Variants in KIAA0319L observed in about 807,000 individuals in gnomAD.
The protein encoded by KIAA0319L is dyslexia-associated protein KIAA0319-like protein.
In KIAA0319L, 55 loss-of-function variants were observed where a neutral mutation model predicts 120.1. That is an observed-to-expected ratio of 0.46 (90% CI 0.37 to 0.57). KIAA0319L has a LOEUF of 0.57. Among genes scored for constraint, KIAA0319L ranks in the 20% least tolerant of loss-of-function variants. KIAA0319L has a pLI of 0.00. For missense variants in KIAA0319L, 1,049 were observed against 1,255.3 expected (o/e 0.84, Z 2.48); for synonymous variants, 398 against 471.9 (o/e 0.84, Z 2.03).
chr1:35,513,288 A>ATATATATATATATATATATCTATTTTT (rs1414704674), intron 2 of KIAA0319L, among the ~76,000 whole-genome samples: 1 of 85,338 alleles, frequency 1.2e-5, no homozygotes, highest in African/African-American at 4.3e-5. Flanking sequence ...ATATATATAT[A>ATATATATATATATATATATCTATTTTT]TTTTTTTTTT....
intron 17 of KIAA0319L, 72 bp downstream of exon 17, chr1:35,444,089 G>T: frequency 7.7e-7 from 1 of 1,299,050 alleles, no homozygotes. Flanking sequence ...GAAGGCCAAG[G>T]ACAGAAAGGA....
At chr1:35,446,462 T>C (rs144339692) in intron 16 of KIAA0319L, among the ~76,000 whole-genome samples, 1 of 152,240 alleles carries the variant, frequency 6.6e-6, no homozygotes, top group African/African-American at 2.4e-5. Context: ...GGTGTTATAC[T>C]GACCATCTCT....
chr1:35,467,932 A>G (rs1253228716), intron 6 of KIAA0319L, among the ~76,000 whole-genome samples: 1 of 152,002 alleles, frequency 6.6e-6, no homozygotes, highest in African/African-American at 2.4e-5. Context: ...CAGGTGATCC[A>G]CCCACCTCGG....
At chr1:35,441,400 T>C (rs1641205985) in intron 19 of KIAA0319L, among the ~76,000 whole-genome samples, 1 of 152,166 alleles carries the variant, frequency 6.6e-6, no homozygotes, top group Non-Finnish European at 1.5e-5. Flanking sequence ...ACAGATTGGT[T>C]AAAAACGTAA....
At chr1:35,522,742 G>A (rs972147859) in intron 2 of KIAA0319L, among the ~76,000 whole-genome samples, 1 of 151,848 alleles carries the variant, frequency 6.6e-6, no homozygotes, top group African/African-American at 2.4e-5. Context: ...TATGGGCCGG[G>A]CGCGGGGGCT....
In KIAA0319L at chr1:35,442,199, T is replaced by G. The variant is rs769436133; in HGVS notation, c.2870+47A>C. The G allele has an allele frequency of 5.0e-6, 7 of 1,408,502 alleles. No individual in the cohort carries two copies. In the South Asian group the frequency reaches 8.0e-5, roughly 16 times the overall value. 87.3% of individuals were successfully genotyped at this position (1,408,502 alleles called of 1,614,324 possible). A position where few individuals can be genotyped will look rare whatever the true frequency, so the allele number is the denominator to read the frequency against. The stretch of plus-strand genomic sequence containing the variant: ...GCCAAATACCTCTCTGAGGAACGAA[T>G]GTATGACAAGAAGCCCGAATGAATT... On this transcript the variant is annotated intron_variant, in intron 19 of 20. Coordinates refer to ENST00000325722, the MANE Select transcript of KIAA0319L (RefSeq NM_024874.5).
chr1:35,481,295 GTAGT>G (rs1220209152), intron 3 of KIAA0319L, among the ~76,000 whole-genome samples: 1 of 152,108 alleles, frequency 6.6e-6, no homozygotes, highest in Non-Finnish European at 1.5e-5. Context: ...TTTATCTTAG[GTAGT>G]TACTTAGGAG....
intron 2 of KIAA0319L, among the ~76,000 whole-genome samples, chr1:35,530,360 T>C (rs969537975): frequency 1.3e-5 from 2 of 152,206 alleles, no homozygotes; most frequent in Non-Finnish European, 2.9e-5. Flanking sequence ...CTTTATCATC[T>C]AGTTTATCGC....
rs926319101 is a variant in KIAA0319L at position 35,437,775 on chromosome 1, C to T, written c.2963-2694G>A. 1.3e-5 allele frequency among the ~76,000 whole-genome samples: 2 copies of T among 152,196 alleles called. No homozygotes were observed. The highest frequency in any genetic ancestry group is 4.8e-5 in the African/African-American group (2 of 41,448). On this transcript the variant is annotated intron_variant, in intron 20 of 20. Coordinates refer to ENST00000325722, the MANE Select transcript of KIAA0319L (RefSeq NM_024874.5). This position sits in a 1 kb window ranked among gnomAD's most constrained non-coding sequence, Gnocchi z 4.1. The stretch of plus-strand genomic sequence containing the variant: ...ACATTCCCCCATAAGGGATGTGACC[C>T]TTTGTGGTGCTGATCCTCACCAGCA...
chr1:35,471,204 A>T (rs879883336), intron 5 of KIAA0319L, among the ~76,000 whole-genome samples: 6 of 152,024 alleles, frequency 3.9e-5, no homozygotes, highest in Non-Finnish European at 8.8e-5. Context: ...CCCTATACCG[A>T]CCCTCTCAGG....
At chr1:35,520,936 CA>C (rs1645885333) in intron 2 of KIAA0319L, among the ~76,000 whole-genome samples, 1 of 152,132 alleles carries the variant, frequency 6.6e-6, no homozygotes, top group African/African-American at 2.4e-5. Context: ...ATTTATTGTA[CA>C]AATAAACTAG....
chr1:35,524,810 TCAC>T (rs2148452352), intron 2 of KIAA0319L, among the ~76,000 whole-genome samples: 1 of 152,348 alleles, frequency 6.6e-6, no homozygotes, highest in Non-Finnish European at 1.5e-5. Context: ...AGGATATCCA[TCAC>T]CACAAGCATT....
intron 3 of KIAA0319L, among the ~76,000 whole-genome samples, chr1:35,503,472 G>T (rs1211961298): frequency 6.6e-6 from 1 of 152,174 alleles, no homozygotes. Flanking sequence ...TATGGAGTTG[G>T]GGCCCGGCAA....
intron 6 of KIAA0319L, among the ~76,000 whole-genome samples, chr1:35,467,658 G>C (rs1306789629): frequency 6.6e-6 from 1 of 151,416 alleles, no homozygotes; most frequent in Non-Finnish European, 1.5e-5. Context: ...CATTTAGCAT[G>C]AACACCTTCC....
Position 35,454,391 on chromosome 1 carries a change from G to A in KIAA0319L, c.1751C>T (p.Thr584Ile). Residue 584 changes from threonine (T) to isoleucine (I), a missense_variant, in exon 11 of 21, where the codon ACT becomes ATT. Physicochemically the swap from Thr to Ile is moderately conservative, Grantham distance 89. Coordinates refer to ENST00000325722, the MANE Select transcript of KIAA0319L (RefSeq NM_024874.5). The part of the protein sequence containing the change: ...TVTDTIGQQA[T>I]AQVTVIVQPE... ...TTGCACAATAACAGTCACTTGAGCA[G>A]TGGCCTGCTGTCCTATTGTGTCAGT... 6.2e-7 allele frequency: 1 copy of A among 1,614,102 alleles called. No individual in the cohort carries two copies. The highest frequency in any genetic ancestry group is 8.5e-7 in the Non-Finnish European group (1 of 1,179,952).
chr1:35,539,158 C>A (rs1488531379), intron 2 of KIAA0319L, among the ~76,000 whole-genome samples: 1 of 152,190 alleles, frequency 6.6e-6, no homozygotes. Flanking sequence ...TCCACCACTT[C>A]CTCTCCACTG....
At chr1:35,532,865 A>G (rs1432792999) in intron 2 of KIAA0319L, among the ~76,000 whole-genome samples, 1 of 152,218 alleles carries the variant, frequency 6.6e-6, no homozygotes, top group African/African-American at 2.4e-5. Flanking sequence ...GAGCAAAGCC[A>G]ATTCCCCTCT....
chr1:35,525,827 T>G (rs1646104986), intron 2 of KIAA0319L, among the ~76,000 whole-genome samples: 1 of 151,946 alleles, frequency 6.6e-6, no homozygotes, highest in African/African-American at 2.4e-5. Flanking sequence ...GTGCAGAAGC[T>G]TTTTAGCTTA....
intron 3 of KIAA0319L, among the ~76,000 whole-genome samples, chr1:35,480,721 G>A (rs1331299776): frequency 6.6e-6 from 1 of 151,984 alleles, no homozygotes; most frequent in Non-Finnish European, 1.5e-5. Context: ...GGAGGCGGAG[G>A]CTGCAGTGAG....
Sources: gnomAD v4.1 joint callset for allele counts (sites outside exome capture counted in the v4.1 genomes callset) on GRCh38, gnomAD v4.1.1 for gene constraint, Gnocchi (gnomAD v3.1) non-coding constraint, MANE v1.5 for transcripts, NCBI Gene and HGNC (gene_info 2026-07-23, HGNC 2026-07-21) for gene names.